The following ASTN2 variants were observed in gnomAD, a reference collection of about 807,000 sequenced individuals.
The protein encoded by ASTN2 is astrotactin 2.
ASTN2 carries 54 observed loss-of-function variants against 139.8 expected under a neutral mutation model. The observed-to-expected ratio is 0.39, with a 90% CI of 0.31 to 0.48. The LOEUF is 0.48. Ranked by LOEUF, ASTN2 falls within the 20% of genes least tolerant of loss-of-function variation. The pLI is 0.95. For missense variants in ASTN2, 1,565 were observed against 1,725.1 expected (o/e 0.91, Z 1.64); for synonymous variants, 756 against 719.5 (o/e 1.05, Z -0.81).
chr9:117,210,994 A>AT (rs1832106186), intron 3 of ASTN2, among the ~76,000 whole-genome samples: 1 of 151,198 alleles, frequency 6.6e-6, no homozygotes, highest in South Asian at 2.1e-4. Flanking sequence ...AAAAAAAAAA[A>AT]GCTTTTGAAA....
In ASTN2 at chr9:117,148,532, A is replaced by G. The variant is rs559996330; in HGVS notation, c.1016-7054T>C. ...ATTCAAATGTGAAAATAGAGGCACC[A>G]AGAGATAAACTCATCATAAAGTTAG... On this transcript the variant is annotated intron_variant, in intron 3 of 22. Coordinates refer to ENST00000313400, the MANE Select transcript of ASTN2 (RefSeq NM_001365068.1). Among the ~76,000 whole-genome samples the G allele has an allele frequency of 2.0e-5, 3 of 152,334 alleles. No homozygotes were observed. In the East Asian group the frequency reaches 5.8e-4, roughly 29 times the overall value.
At chr9:117,300,903 C>T (rs1349528516) in intron 1 of ASTN2, among the ~76,000 whole-genome samples, 2 of 152,168 alleles carry the variant, frequency 1.3e-5, no homozygotes, top group African/African-American at 4.8e-5. Flanking sequence ...CAGCTGTCAG[C>T]GCTCATCTCT....
chr9:117,346,593 G>T (rs1029429711), intron 1 of ASTN2, among the ~76,000 whole-genome samples: 1 of 152,072 alleles, frequency 6.6e-6, no homozygotes, highest in Admixed American at 6.6e-5. Context: ...GACAGAATCT[G>T]GGTTTCCTGA....
chr9:116,542,877 G>T (rs921925921), intron 19 of ASTN2, among the ~76,000 whole-genome samples: 1 of 152,076 alleles, frequency 6.6e-6, no homozygotes, highest in Non-Finnish European at 1.5e-5. Flanking sequence ...CTGAGATTGT[G>T]CCACTGCACT....
At chr9:117,350,908 G>A (rs192187797) in intron 1 of ASTN2, among the ~76,000 whole-genome samples, 7 of 152,172 alleles carry the variant, frequency 4.6e-5, no homozygotes, top group African/African-American at 7.2e-5. Context: ...ATAACAGCAC[G>A]TTAAATCACA....
intron 20 of ASTN2, among the ~76,000 whole-genome samples, chr9:116,472,369 T>C (rs958086996): frequency 6.6e-6 from 1 of 152,080 alleles, no homozygotes; most frequent in Non-Finnish European, 1.5e-5. Context: ...CAAAGGCACC[T>C]CCCCAAAGGC....
intron 2 of ASTN2, among the ~76,000 whole-genome samples, chr9:117,217,476 C>T (rs1297271877): frequency 6.6e-6 from 1 of 152,190 alleles, no homozygotes; most frequent in Admixed American, 6.5e-5. Context: ...ACTACTAATG[C>T]CCCTTCTTCC....
intron 19 of ASTN2, chr9:116,612,412 A>G (rs1056003216): frequency 2.6e-5 from 4 of 152,212 alleles, no homozygotes; most frequent in African/African-American, 9.6e-5. Context: ...AATCAACAGA[A>G]TATACATTCT....
intron 11 of ASTN2, among the ~76,000 whole-genome samples, chr9:116,821,857 G>A (rs1254086959): frequency 6.6e-6 from 1 of 152,058 alleles, no homozygotes; most frequent in Non-Finnish European, 1.5e-5. Context: ...GGAGACAGAT[G>A]GCTATTGATT....
At chr9:116,494,248 G>C (rs569349886) in intron 19 of ASTN2, among the ~76,000 whole-genome samples, 4 of 152,146 alleles carry the variant, frequency 2.6e-5, no homozygotes, top group Non-Finnish European at 4.4e-5. Flanking sequence ...ATTATGTAGA[G>C]ATGGATGATT....
chr9:116,869,465 T>C lies in ASTN2; in HGVS notation c.1890-5732A>G, dbSNP rs117722230. On this transcript the variant is annotated intron_variant, in intron 10 of 22. Coordinates refer to ENST00000313400, the MANE Select transcript of ASTN2 (RefSeq NM_001365068.1). ...AGTGTTCCTAATACTGCACTGGCTC[T>C]TCTCACTCTAGACACTTCATGTTTC... 4.2e-3 allele frequency among the ~76,000 whole-genome samples: 645 copies of C among 152,316 alleles called. 1 individual carries two copies. The highest frequency in any genetic ancestry group is 7.0e-3 in the Non-Finnish European group (477 of 68,024).
At chr9:117,326,069 A>C (rs571572556) in intron 1 of ASTN2, among the ~76,000 whole-genome samples, 28 of 152,264 alleles carry the variant, frequency 1.8e-4, no homozygotes, top group African/African-American at 6.5e-4. Flanking sequence ...TGCAGGAAGG[A>C]AGCCCAGTTT....
At chr9:117,063,050 G>A (rs1289312731) in intron 5 of ASTN2, among the ~76,000 whole-genome samples, 1 of 152,154 alleles carries the variant, frequency 6.6e-6, no homozygotes, top group Non-Finnish European at 1.5e-5. Context: ...TACTTCAAGT[G>A]CATTCCAGAT....
chr9:116,479,681 T>C (rs1370044817), intron 20 of ASTN2, among the ~76,000 whole-genome samples: 1 of 152,194 alleles, frequency 6.6e-6, no homozygotes, highest in Non-Finnish European at 1.5e-5. Flanking sequence ...TGTAGTGCTG[T>C]GAGGACTGCG....
chr9:116,612,081 T>C (rs949877704), intron 19 of ASTN2: 2 of 152,094 alleles, frequency 1.3e-5, no homozygotes, highest in South Asian at 2.1e-4. Flanking sequence ...ATCATTTTAA[T>C]AGACACAGAA....
At chr9:117,070,752 C>G (rs1270699310) in intron 5 of ASTN2, among the ~76,000 whole-genome samples, 2 of 151,384 alleles carry the variant, frequency 1.3e-5, no homozygotes, top group Non-Finnish European at 2.9e-5. Context: ...CACTTCATTT[C>G]ATTCATTTCA....
chr9:116,427,635 C>T (rs923236597), intron 22 of ASTN2, among the ~76,000 whole-genome samples: 3 of 152,220 alleles, frequency 2.0e-5, no homozygotes, highest in Non-Finnish European at 4.4e-5. Context: ...AAATGGGAGA[C>T]TGTGTTAGGC....
intron 11 of ASTN2, among the ~76,000 whole-genome samples, chr9:116,824,126 C>T (rs985152042): frequency 9.2e-5 from 14 of 152,166 alleles, no homozygotes; most frequent in Non-Finnish European, 1.5e-5. Context: ...ATCCACACTA[C>T]TTCTTATAAG....
At chr9:117,033,939 C>G (rs1588497975) in intron 6 of ASTN2, among the ~76,000 whole-genome samples, 1 of 152,166 alleles carries the variant, frequency 6.6e-6, no homozygotes, top group Non-Finnish European at 1.5e-5. Flanking sequence ...AGTAGGTTCC[C>G]TTCCTGTCTA....
Sources: gnomAD v4.1 joint callset for allele counts (sites outside exome capture counted in the v4.1 genomes callset) on GRCh38, gnomAD v4.1.1 for gene constraint, MANE v1.5 for transcripts, NCBI Gene and HGNC (gene_info 2026-07-23, HGNC 2026-07-21) for gene names.